The following PARD3B variants were observed in gnomAD, a reference collection of about 807,000 sequenced individuals.
The protein encoded by PARD3B is par-3 family cell polarity regulator beta.
A neutral mutation model predicts 130.2 loss-of-function variants in PARD3B; 103 were observed. That is an observed-to-expected ratio of 0.79 (90% CI 0.67 to 0.93). The LOEUF (loss-of-function observed/expected upper bound fraction) is 0.93, where lower values mean the gene tolerates loss of function less well. Ranked by LOEUF, PARD3B falls within the 40% of genes least tolerant of loss-of-function variation. The pLI, the probability that PARD3B is intolerant of heterozygous loss-of-function variation, is 0.00. For missense variants in PARD3B, 1,609 were observed against 1,499.2 expected, an observed-to-expected ratio of 1.07 and a Z score of -1.21; for synonymous variants, 583 against 553.2, an observed-to-expected ratio of 1.05 and a Z score of -0.76.
intron 10 of PARD3B, among the ~76,000 whole-genome samples, chr2:205,138,104 GC>G (rs372584248): frequency 7.9e-5 from 12 of 152,294 alleles, no homozygotes; most frequent in African/African-American, 2.9e-4. Flanking sequence ...CAAGTTATCA[GC>G]CCAGGACTGT....
In PARD3B at chr2:205,301,678, G is replaced by T; in HGVS notation, c.2607G>T (p.Lys869Asn). 1.9e-6 allele frequency: 3 copies of T among 1,614,002 alleles called. No individual in the cohort carries two copies. The highest frequency in any genetic ancestry group is 2.5e-6 in the Non-Finnish European group (3 of 1,179,980). ...ENEDPERKIK[K>N]KGFGAMLRFG... ...AAGATCCAGAAAGGAAAATAAAGAA[G>T]AAGGGCTTCGGCGCCATGCTGAGGT... The change falls in exon 18 of 23, where the codon AAG becomes AAT. Residue 869 changes from lysine (K) to asparagine (N), a missense_variant. By Grantham distance (94) the Lys-to-Asn change is moderately conservative (BLOSUM62 0). Transcript: ENST00000406610. This position sits in a 1 kb window ranked among gnomAD's most constrained non-coding sequence, Gnocchi z 5.2.
At chr2:205,409,839 C>T (rs1311060616) in intron 19 of PARD3B, among the ~76,000 whole-genome samples, 1 of 152,138 alleles carries the variant, frequency 6.6e-6, no homozygotes, top group East Asian at 1.9e-4. Context: ...AGGAATTATA[C>T]TGAATTACCT....
intron 20 of PARD3B, among the ~76,000 whole-genome samples, chr2:205,442,165 C>A (rs1409816303): frequency 6.6e-6 from 1 of 152,018 alleles, no homozygotes; most frequent in Non-Finnish European, 1.5e-5. Context: ...ACCTCTTAAG[C>A]CAGTATTTTC....
intron 2 of PARD3B, among the ~76,000 whole-genome samples, chr2:204,903,911 C>T (rs561940605): frequency 6.6e-6 from 1 of 152,110 alleles, no homozygotes; most frequent in African/African-American, 2.4e-5. Context: ...ATTCATTATG[C>T]TGTCAATGTA....
chr2:205,426,786 A>G (rs182172586), intron 19 of PARD3B, among the ~76,000 whole-genome samples: 1 of 152,326 alleles, frequency 6.6e-6, no homozygotes, highest in East Asian at 1.9e-4. Flanking sequence ...TGAGGAGTAG[A>G]AAATATGAAA....
At chr2:204,844,439 T>C (rs1288416403) in intron 2 of PARD3B, among the ~76,000 whole-genome samples, 1 of 152,184 alleles carries the variant, frequency 6.6e-6, no homozygotes, top group Non-Finnish European at 1.5e-5. Flanking sequence ...AATATTTTAA[T>C]TTGTAATTTC....
chr2:204,545,667 T>G lies in PARD3B; in HGVS notation c.-333T>G. ...GACAGGGCAGGGCCGGCAGTTTCGC[T>G]TTGGTGGGCGCGGAGCAGCCGCCTG... On this transcript the variant is annotated 5_prime_UTR_variant, in exon 1 of 23. Transcript: ENST00000406610. 4.8e-6 allele frequency: 1 copy of G among 210,454 alleles called. No homozygotes were observed. Among genetic ancestry groups the G allele is most frequent in the Non-Finnish European group, 9.4e-6 (1 of 106,750 alleles). The allele number at this position is 210,454 out of a possible 1,614,324, so 13.0% of individuals were successfully genotyped here. A position where few individuals can be genotyped will look rare whatever the true frequency, so the allele number is the denominator to read the frequency against.
chr2:204,834,123 A>G (rs2043940354), intron 2 of PARD3B, among the ~76,000 whole-genome samples: 1 of 152,156 alleles, frequency 6.6e-6, no homozygotes, highest in Non-Finnish European at 1.5e-5. Flanking sequence ...GACCTTTCCA[A>G]CTAAACCAGC....
intron 21 of PARD3B, among the ~76,000 whole-genome samples, chr2:205,536,218 T>C (rs1429211041): frequency 6.6e-6 from 1 of 151,716 alleles, no homozygotes; most frequent in Non-Finnish European, 1.5e-5. Context: ...CTTAGCTGAG[T>C]TGTGTGCTAT....
Position 204,545,934 on chromosome 2 carries a change from T to G in PARD3B, c.-66T>G. The G allele has an allele frequency of 9.9e-6, 14 of 1,414,784 alleles. No homozygotes were observed. Among genetic ancestry groups the G allele is most frequent in the Admixed American group, 5.6e-5 (2 of 35,782 alleles). The allele number at this position is 1,414,784 out of a possible 1,614,324, so 87.6% of individuals were successfully genotyped here. Reference sequence around the variant, plus strand: ...ACCCGCCCCGGGCGTCCTCCGAGAGTGGGGGCTGCGCCCGCGGGGTCAGAC... The same window carrying G: ...ACCCGCCCCGGGCGTCCTCCGAGAGGGGGGGCTGCGCCCGCGGGGTCAGAC... On this transcript the variant is annotated 5_prime_UTR_variant, in exon 1 of 23. Coordinates refer to ENST00000406610, the MANE Select transcript of PARD3B (RefSeq NM_001302769.2).
In PARD3B at chr2:205,447,841, T is replaced by G. The variant is rs139064932; in HGVS notation, c.3044+7169T>G. Among the ~76,000 whole-genome samples, 450 of 152,316 alleles carry G rather than the reference T, an allele frequency of 3.0e-3. 3 individuals carry two copies. Among genetic ancestry groups the G allele is most frequent in the East Asian group, 0.024 (126 of 5,180 alleles). ...AGGCATCCTTTTTCTTTTAGATCAC[T>G]CTAGTTGATGTAGAAATGCCCACTT... On this transcript the variant is annotated intron_variant, in intron 20 of 22. Transcript: ENST00000406610.
chr2:205,520,975 G>A (rs2051021196), intron 21 of PARD3B, among the ~76,000 whole-genome samples: 1 of 150,434 alleles, frequency 6.6e-6, no homozygotes, highest in African/African-American at 2.4e-5. Context: ...TGTATTATTA[G>A]TTCTTTATCA....
chr2:204,947,093 G>A (rs1689387246), intron 2 of PARD3B, among the ~76,000 whole-genome samples: 2 of 152,068 alleles, frequency 1.3e-5, no homozygotes, highest in African/African-American at 4.8e-5. Context: ...CACCCTCCTA[G>A]TACACCCAGA....
At chr2:205,016,074 C>T (rs142307424) in intron 3 of PARD3B, among the ~76,000 whole-genome samples, 32 of 152,346 alleles carry the variant, frequency 2.1e-4, no homozygotes, top group African/African-American at 6.5e-4. Context: ...CCACTATCAT[C>T]TCTGTCTAGC....
chr2:204,725,366 T>G (rs2039178443), intron 2 of PARD3B, among the ~76,000 whole-genome samples: 1 of 152,208 alleles, frequency 6.6e-6, no homozygotes, highest in South Asian at 2.1e-4. Flanking sequence ...CCTTAATGTT[T>G]CCAATTTAAC....
At chr2:204,719,020 G>GA (rs1232844332) in intron 2 of PARD3B, among the ~76,000 whole-genome samples, 8 of 152,138 alleles carry the variant, frequency 5.3e-5, no homozygotes, top group Non-Finnish European at 1.2e-4. Flanking sequence ...AATACACATT[G>GA]GGAGAAGTTA....
At chr2:205,345,451 AT>A (rs2043716015) in intron 18 of PARD3B, among the ~76,000 whole-genome samples, 1 of 152,108 alleles carries the variant, frequency 6.6e-6, no homozygotes, top group Admixed American at 6.5e-5. Context: ...CAGAAAAAAC[AT>A]TTATGTCCTG....
At chr2:204,808,720 A>G (rs2042860974) in intron 2 of PARD3B, among the ~76,000 whole-genome samples, 1 of 152,154 alleles carries the variant, frequency 6.6e-6, no homozygotes, top group African/African-American at 2.4e-5. Context: ...CATTTTCTGT[A>G]TCCAGTCTGT....
At chr2:204,863,748 A>C (rs2045305231) in intron 2 of PARD3B, among the ~76,000 whole-genome samples, 1 of 152,218 alleles carries the variant, frequency 6.6e-6, no homozygotes, top group Admixed American at 6.5e-5. Context: ...ATGTGCATGA[A>C]ATTTGCAGTG....
Sources: gnomAD v4.1 joint callset for allele counts (sites outside exome capture counted in the v4.1 genomes callset) on GRCh38, gnomAD v4.1.1 for gene constraint, Gnocchi (gnomAD v3.1) non-coding constraint, MANE v1.5 for transcripts, NCBI Gene and HGNC (gene_info 2026-07-23, HGNC 2026-07-21) for gene names.